Variants in GRM8 observed in about 807,000 individuals in gnomAD.
GRM8 encodes glutamate metabotropic receptor 8.
In GRM8, 47 loss-of-function variants were observed where a neutral mutation model predicts 87.2. That is an observed-to-expected ratio of 0.54 (90% CI 0.43 to 0.69). The LOEUF (loss-of-function observed/expected upper bound fraction) is 0.69, where lower values mean the gene tolerates loss of function less well. Ranked by LOEUF, GRM8 falls within the 30% of genes least tolerant of loss-of-function variation. GRM8 has a pLI of 0.00. For missense variants in GRM8, 1,019 were observed against 1,139.2 expected (o/e 0.89, Z 1.52); for synonymous variants, 396 against 404.5 (o/e 0.98, Z 0.25).
intron 8 of GRM8, among the ~76,000 whole-genome samples, chr7:126,574,755 T>C (rs1794967113): frequency 6.6e-6 from 1 of 151,930 alleles, no homozygotes; most frequent in Admixed American, 6.6e-5. Flanking sequence ...CACTGTACTA[T>C]TTTTTTTAGA....
chr7:126,646,306 A>G (rs137916976), intron 7 of GRM8, among the ~76,000 whole-genome samples: 518 of 35,482 alleles, frequency 0.015, 3 homozygotes, highest in African/African-American at 0.036. Context: ...AAGGAAGGAA[A>G]GAAGGAAGGA....
At position 126,775,478 on chromosome 7, in the gene GRM8, G is replaced by GGTTTTTTTTTTTT. The variant is rs1221934423; in HGVS notation, c.1157-5426_1157-5414dup. Among the ~76,000 whole-genome samples, 303 of 114,152 alleles carry GGTTTTTTTTTTTT rather than the reference G, an allele frequency of 2.7e-3. 5 individuals carry two copies. The highest frequency in any genetic ancestry group is 0.011 in the African/African-American group (285 of 24,980). The allele number at this position is 114,152 out of a possible 152,430, so 74.9% of individuals were successfully genotyped here. ...GTGAGCGCTATCAAGCTGACAAATA[G>GGTTTTTTTTTTTT]GTTTTTTTTTTTTTTTTTTTTTTTT... On this transcript the variant is annotated intron_variant, in intron 6 of 10. Coordinates refer to ENST00000339582, the MANE Select transcript of GRM8 (RefSeq NM_000845.3).
chr7:126,864,515 C>A (rs1450144414), intron 6 of GRM8, among the ~76,000 whole-genome samples: 2 of 151,970 alleles, frequency 1.3e-5, no homozygotes, highest in African/African-American at 4.8e-5. Context: ...AATTTTATTT[C>A]TAGAAATTTC....
intron 2 of GRM8, among the ~76,000 whole-genome samples, chr7:127,136,659 G>A (rs941629840): frequency 6.6e-6 from 1 of 151,966 alleles, no homozygotes; most frequent in African/African-American, 2.4e-5. Flanking sequence ...CATCTGTGCT[G>A]TACTTTGAGA....
chr7:127,057,080 C>A (rs1343259456), intron 3 of GRM8, among the ~76,000 whole-genome samples: 1 of 152,152 alleles, frequency 6.6e-6, no homozygotes, highest in Non-Finnish European at 1.5e-5. Flanking sequence ...TATATTCACC[C>A]TAATGTGGAT....
intron 2 of GRM8, among the ~76,000 whole-genome samples, chr7:127,116,617 G>T (rs1187708257): frequency 6.6e-6 from 1 of 152,228 alleles, no homozygotes; most frequent in Non-Finnish European, 1.5e-5. Context: ...GACAGGGCAA[G>T]CTTCCCTGAT....
intron 3 of GRM8, among the ~76,000 whole-genome samples, chr7:127,015,054 A>G (rs1216420296): frequency 8.2e-6 from 1 of 121,280 alleles, no homozygotes; most frequent in East Asian, 2.3e-4. Flanking sequence ...AAGAAGAAGA[A>G]GAAGAAGAAG....
At chr7:127,026,323 CTT>C (rs1563426337) in intron 3 of GRM8, among the ~76,000 whole-genome samples, 1 of 152,064 alleles carries the variant, frequency 6.6e-6, no homozygotes, top group East Asian at 1.9e-4. Flanking sequence ...GTGCATGTGT[CTT>C]TATAGTAGAA....
chr7:126,709,683 A>G (rs1810903089), intron 7 of GRM8, among the ~76,000 whole-genome samples: 1 of 152,178 alleles, frequency 6.6e-6, no homozygotes, highest in African/African-American at 2.4e-5. Flanking sequence ...TATATCTAAA[A>G]AATAAAATAA....
intron 8 of GRM8, among the ~76,000 whole-genome samples, chr7:126,549,876 A>G (rs1254456915): frequency 1.3e-5 from 2 of 152,186 alleles, no homozygotes; most frequent in South Asian, 4.1e-4. Context: ...ACCTACAAAA[A>G]TGTGAGTAAA....
At chr7:126,795,526 T>C (rs1421842985) in intron 6 of GRM8, among the ~76,000 whole-genome samples, 2 of 152,134 alleles carry the variant, frequency 1.3e-5, no homozygotes, top group South Asian at 2.1e-4. Context: ...TCTTTTATAA[T>C]TGGAAAATTG....
chr7:126,479,824 G>T (rs1205333691), intron 9 of GRM8, among the ~76,000 whole-genome samples: 1 of 151,932 alleles, frequency 6.6e-6, no homozygotes, highest in East Asian at 1.9e-4. Flanking sequence ...ACATTTTGAG[G>T]AACTGCCAAA....
intron 6 of GRM8, among the ~76,000 whole-genome samples, chr7:126,852,346 AG>A (rs1797289897): frequency 6.6e-6 from 1 of 152,204 alleles, no homozygotes; most frequent in Non-Finnish European, 1.5e-5. Flanking sequence ...ATTAGACAAA[AG>A]CTTAGCTAGG....
intron 2 of GRM8, among the ~76,000 whole-genome samples, chr7:127,172,869 T>C (rs1793898279): frequency 1.3e-5 from 2 of 152,218 alleles, no homozygotes; most frequent in African/African-American, 4.8e-5. Flanking sequence ...TGTACCAACA[T>C]GCTTTCTGGA....
At chr7:127,171,635 G>T (rs1215137468) in intron 2 of GRM8, among the ~76,000 whole-genome samples, 1 of 152,118 alleles carries the variant, frequency 6.6e-6, no homozygotes, top group Admixed American at 6.5e-5. Flanking sequence ...ATTAAGGTAT[G>T]TACATTACTT....
At chr7:126,576,655 C>A (rs1465417592) in intron 8 of GRM8, among the ~76,000 whole-genome samples, 1 of 152,114 alleles carries the variant, frequency 6.6e-6, no homozygotes, top group Non-Finnish European at 1.5e-5. Flanking sequence ...CTACAGAAAT[C>A]CTCTATCAGC....
At chr7:126,447,975 C>T (rs191977596) in intron 9 of GRM8, among the ~76,000 whole-genome samples, 20 of 152,102 alleles carry the variant, frequency 1.3e-4, no homozygotes, top group Admixed American at 2.6e-4. Context: ...TGTACGTTTA[C>T]GGCTTATAAA....
chr7:126,942,641 C>T (rs529189186), intron 3 of GRM8, among the ~76,000 whole-genome samples: 1 of 152,264 alleles, frequency 6.6e-6, no homozygotes, highest in South Asian at 2.1e-4. Context: ...ATGTGAATGT[C>T]CTAGTCCAAG....
chr7:126,715,557 C>A (rs1373997471), intron 7 of GRM8, among the ~76,000 whole-genome samples: 1 of 152,012 alleles, frequency 6.6e-6, no homozygotes, highest in Non-Finnish European at 1.5e-5. Context: ...GGTATACCTA[C>A]CTTTCTGATT....
Sources: allele counts gnomAD v4.1 joint callset (sites outside exome capture counted in the v4.1 genomes callset), GRCh38; gene constraint gnomAD v4.1.1; transcripts MANE v1.5; gene names NCBI Gene and HGNC (gene_info 2026-07-23, HGNC 2026-07-21).